SPAG16: variants seen among roughly 807,000 people sequenced by gnomAD.
SPAG16 encodes the protein sperm associated antigen 16.
Under a neutral mutation model 80.4 loss-of-function variants are expected in SPAG16, and 86 were observed. That is an observed-to-expected ratio of 1.07 (90% confidence interval 0.90 to 1.28). SPAG16 has a LOEUF of 1.28. SPAG16 is among the 50% of genes most tolerant of loss of function. The pLI is 0.00. For missense variants in SPAG16, 870 were observed against 765.3 expected (o/e 1.14, Z -1.61); for synonymous variants, 294 against 265.9 (o/e 1.11, Z -1.03).
At chr2:213,594,277 G>A (rs926453234) in intron 10 of SPAG16, among the ~76,000 whole-genome samples, 2 of 152,024 alleles carry the variant, frequency 1.3e-5, no homozygotes, top group African/African-American at 4.8e-5. Flanking sequence ...CCACCCAGTG[G>A]TAGCTCTTTC....
intron 15 of SPAG16, among the ~76,000 whole-genome samples, chr2:214,250,883 A>G (rs1287938591): frequency 6.6e-6 from 1 of 150,580 alleles, no homozygotes; most frequent in Non-Finnish European, 1.5e-5. Flanking sequence ...ATTTTCTCAG[A>G]TTTTGATTAT....
At chr2:213,407,383 G>A (rs2068671091) in intron 9 of SPAG16, among the ~76,000 whole-genome samples, 1 of 151,980 alleles carries the variant, frequency 6.6e-6, no homozygotes, top group South Asian at 2.1e-4. Context: ...GAGCCTTCCA[G>A]GACAGGCAAG....
intron 15 of SPAG16, among the ~76,000 whole-genome samples, chr2:214,264,119 T>C (rs992314124): frequency 1.3e-5 from 2 of 152,214 alleles, no homozygotes; most frequent in African/African-American, 4.8e-5. Context: ...CTGTTCTTCC[T>C]GCTTAAACCC....
chr2:213,758,706 A>G (rs886692438), intron 10 of SPAG16, among the ~76,000 whole-genome samples: 5 of 152,188 alleles, frequency 3.3e-5, no homozygotes, highest in African/African-American at 1.2e-4. Flanking sequence ...GACACAATCA[A>G]GGAGTCACAG....
At chr2:214,113,012 G>A (rs1017763846) in intron 14 of SPAG16, among the ~76,000 whole-genome samples, 5 of 152,120 alleles carry the variant, frequency 3.3e-5, no homozygotes, top group African/African-American at 1.2e-4. Flanking sequence ...TGTAAGGCAG[G>A]CCCGGGTGGT....
intron 15 of SPAG16, among the ~76,000 whole-genome samples, chr2:214,360,189 T>A (rs1383355537): frequency 6.6e-6 from 1 of 151,908 alleles, no homozygotes; most frequent in Non-Finnish European, 1.5e-5. Flanking sequence ...TTCCCTTTAA[T>A]AGCTCTCCCA....
intron 9 of SPAG16, among the ~76,000 whole-genome samples, chr2:213,456,456 TG>T (rs1392840408): frequency 2.6e-5 from 4 of 152,242 alleles, no homozygotes; most frequent in Non-Finnish European, 5.9e-5. Flanking sequence ...TATGTATGTC[TG>T]ACATAATTTT....
chr2:213,324,228 A>G (rs1298011361), intron 5 of SPAG16, among the ~76,000 whole-genome samples: 1 of 150,530 alleles, frequency 6.6e-6, no homozygotes, highest in African/African-American at 2.4e-5. Context: ...TTTCACTTCT[A>G]CTCTTACCCA....
chr2:214,167,763 T>C (rs1336885761), intron 15 of SPAG16, among the ~76,000 whole-genome samples: 1 of 151,488 alleles, frequency 6.6e-6, no homozygotes, highest in Non-Finnish European at 1.5e-5. Context: ...AAAATCACTA[T>C]ATAATATATA....
chr2:214,317,777 C>G (rs147280122), intron 15 of SPAG16, among the ~76,000 whole-genome samples: 200 of 152,258 alleles, frequency 1.3e-3, no homozygotes, highest in Non-Finnish European at 1.7e-3. Flanking sequence ...GCCTGTGGCC[C>G]TTTTCTCAGA....
intron 10 of SPAG16, among the ~76,000 whole-genome samples, chr2:213,562,341 T>C (rs73988547): frequency 0.11 from 16,251 of 152,232 alleles, 1,629 homozygotes; most frequent in African/African-American, 0.26. Flanking sequence ...CTGAAGACTC[T>C]GATCTTTAGT....
rs567476578 is a variant in SPAG16 at position 214,109,854 on chromosome 2, T to C, written c.1593+1593T>C. ...GACCCATTATGAAATAGAATATAGTTTTATGCTGAAAGTCCATTAAGTGGC... is the reference window on the plus strand; with the variant it reads ...GACCCATTATGAAATAGAATATAGTCTTATGCTGAAAGTCCATTAAGTGGC... On this transcript the variant is annotated intron_variant, in intron 14 of 15. Coordinates refer to ENST00000331683, the MANE Select transcript of SPAG16 (RefSeq NM_024532.5). Among the ~76,000 whole-genome samples the C allele has an allele frequency of 2.6e-5, 4 of 152,312 alleles. No homozygotes were observed. The East Asian group carries it at 7.7e-4, about 29-fold the overall frequency.
At chr2:213,557,866 C>A (rs966444259) in intron 10 of SPAG16, among the ~76,000 whole-genome samples, 9 of 152,094 alleles carry the variant, frequency 5.9e-5, no homozygotes, top group African/African-American at 1.9e-4. Flanking sequence ...AAAATGCATT[C>A]TTATGTGATT....
intron 13 of SPAG16, among the ~76,000 whole-genome samples, chr2:214,068,972 A>G (rs1222720728): frequency 6.6e-6 from 1 of 152,118 alleles, no homozygotes; most frequent in Non-Finnish European, 1.5e-5. Context: ...TGCATTATAT[A>G]TACTCTAAAG....
chr2:214,330,420 C>CTGTT (rs1238740341), intron 15 of SPAG16, among the ~76,000 whole-genome samples: 1 of 152,124 alleles, frequency 6.6e-6, no homozygotes, highest in African/African-American at 2.4e-5. Context: ...TGAAAGGGCA[C>CTGTT]TGTTTTACTT....
intron 12 of SPAG16, among the ~76,000 whole-genome samples, chr2:213,974,092 T>C (rs2045231459): frequency 6.6e-6 from 1 of 152,130 alleles, no homozygotes; most frequent in East Asian, 1.9e-4. Context: ...AGAAAAAGTT[T>C]AGCTGGAAGA....
At chr2:213,555,611 T>G (rs970244850) in intron 10 of SPAG16, among the ~76,000 whole-genome samples, 1 of 152,188 alleles carries the variant, frequency 6.6e-6, no homozygotes, top group Non-Finnish European at 1.5e-5. Flanking sequence ...GACAAATACA[T>G]CCAGCAAAGC....
chr2:214,394,220 C>CTT (rs1701237724), intron 15 of SPAG16, among the ~76,000 whole-genome samples: 1 of 151,942 alleles, frequency 6.6e-6, no homozygotes, highest in Non-Finnish European at 1.5e-5. Flanking sequence ...TTCTCTCTCT[C>CTT]TTTCTAAGTC....
intron 14 of SPAG16, among the ~76,000 whole-genome samples, chr2:214,134,662 G>A (rs1327215085): frequency 6.6e-6 from 1 of 152,126 alleles, no homozygotes; most frequent in East Asian, 1.9e-4. Context: ...AGTACCACAA[G>A]AAAGCAATCT....
Sources: gnomAD v4.1 joint callset for allele counts (sites outside exome capture counted in the v4.1 genomes callset) on GRCh38, gnomAD v4.1.1 for gene constraint, MANE v1.5 for transcripts, NCBI Gene and HGNC (gene_info 2026-07-23, HGNC 2026-07-21) for gene names.